The following ZNF487 variants were observed in gnomAD, a reference collection of about 807,000 sequenced individuals.
ZNF487 encodes KRAB domain only 1.
ZNF487 carries 4 observed loss-of-function variants against 3.0 expected under a neutral mutation model. The observed-to-expected ratio is 1.35, with a 90% confidence interval of 0.66 to 3.08. ZNF487 has a LOEUF of 3.08. ZNF487 is among the 30% of genes most tolerant of loss of function. The pLI, the probability that ZNF487 is intolerant of heterozygous loss-of-function variation, is 0.01. For synonymous variants in ZNF487, 55 were observed against 34.6 expected, an observed-to-expected ratio of 1.59 and a Z score of -2.06; for missense variants, 146 against 98.7, an observed-to-expected ratio of 1.48 and a Z score of -2.03.
the ZNF487 span, among the ~76,000 whole-genome samples, chr10:43,522,324 C>T: frequency 1.6e-3 from 246 of 152,254 alleles, no homozygotes; most frequent in Non-Finnish European, 3.0e-3. Flanking sequence ...TGAGACCAGC[C>T]TGGCCAATAT....
intron 1 of ZNF487, among the ~76,000 whole-genome samples, chr10:43,446,878 C>T (rs553265369): frequency 8.5e-4 from 129 of 152,214 alleles, no homozygotes; most frequent in African/African-American, 3.0e-3. Flanking sequence ...GCGGAGATCA[C>T]GCCACTGCAC....
At chr10:43,511,677 A>G in the ZNF487 span, among the ~76,000 whole-genome samples, 12 of 152,284 alleles carry the variant, frequency 7.9e-5, no homozygotes, top group African/African-American at 2.6e-4. Context: ...TGCTGAGCCC[A>G]TACATAACCT....
rs1160017811 is a variant in ZNF487, at chr10:43,443,371, TG to T, written c.-94+6110del. ...GAGCTATCCTGCTGGGCCTAGTTTT[TG>T]TTTTTGTTTTTTTTTTTTTGAGATG... On this transcript the variant is annotated intron_variant, in intron 1 of 3. Transcript: ENST00000437590. 1.3e-3 allele frequency among the ~76,000 whole-genome samples: 195 copies of T among 148,282 alleles called. 1 individual carries two copies. Among genetic ancestry groups the T allele is most frequent in the South Asian group, 3.6e-3 (17 of 4,746 alleles).
chr10:43,476,785 G>C (rs1485480108), intron 3 of ZNF487, among the ~76,000 whole-genome samples: 1 of 152,218 alleles, frequency 6.6e-6, no homozygotes, highest in Non-Finnish European at 1.5e-5. Flanking sequence ...GAGCCAGGCT[G>C]CGTGGAAGTC....
chr10:43,476,179 A>C lies in ZNF487; in HGVS notation c.107A>C (p.Glu36Ala), dbSNP rs773739497. The C allele has an allele frequency of 1.5e-5, 11 of 717,332 alleles. No homozygotes were observed. The highest frequency in any genetic ancestry group is 8.0e-5 in the Admixed American group (4 of 49,992). The allele number at this position is 717,332 out of a possible 1,614,324, so 44.4% of individuals were successfully genotyped here. Residue 36 changes from glutamate to alanine, a missense_variant, in exon 3 of 4, where the codon GAG becomes GCG. Transcript: ENST00000437590. ...CAGGTGCTGTGGATATTAGAGGAAG[A>C]GTCCCCAAGTCAGAGCCACCTAGGT... ...HGQVLWILEE[E>A]SPSQSHLDCC...
In ZNF487 at chr10:43,437,476, C is replaced by T. The variant is rs529782383; in HGVS notation, c.-94+214C>T. On this transcript the variant is annotated intron_variant, in intron 1 of 3. Coordinates refer to ENST00000437590, the MANE Select transcript of ZNF487 (RefSeq NM_001355444.3). ...GCGAGACAAGGGCAACCAGAAGGAA[C>T]CGAGTCTGAGGAAGCGCTTCCTCTG... Among the ~76,000 whole-genome samples the T allele has an allele frequency of 8.9e-4, 135 of 152,210 alleles. 1 individual carries two copies. The highest frequency in any genetic ancestry group is 6.8e-3 in the Middle Eastern group (2 of 294).
chr10:43,455,483 C>G (rs1044764393), intron 1 of ZNF487, among the ~76,000 whole-genome samples: 4 of 152,252 alleles, frequency 2.6e-5, no homozygotes, highest in African/African-American at 4.8e-5. Flanking sequence ...CCATGCCTGC[C>G]GTGCAGGCGT....
the ZNF487 span, among the ~76,000 whole-genome samples, chr10:43,491,035 C>T: frequency 2.6e-4 from 36 of 139,812 alleles, no homozygotes; most frequent in Admixed American, 2.1e-3. Context: ...GGCATGATCT[C>T]GGCTCACTGC....
At chr10:43,494,763 TACAAAAAAA>T in the ZNF487 span, among the ~76,000 whole-genome samples, 1 of 20,916 alleles carries the variant, frequency 4.8e-5, no homozygotes, top group African/African-American at 2.1e-4. Flanking sequence ...CTACTAAAAA[TACAAAAAAA>T]AAAAAAAAAA....
rs149670560 is a variant in ZNF487 at position 43,447,218 on chromosome 10, G to A, written c.-94+9956G>A. On this transcript the variant is annotated intron_variant, in intron 1 of 3. Coordinates refer to ENST00000437590, the MANE Select transcript of ZNF487 (RefSeq NM_001355444.3). ...GGGGAGACCGTGGAAAGCGGGAGACGGAGACGACGGAGAGGGGAGAGGGAG... is the reference window on the plus strand; with the variant it reads ...GGGGAGACCGTGGAAAGCGGGAGACAGAGACGACGGAGAGGGGAGAGGGAG... Among the ~76,000 whole-genome samples, 151 of 152,038 alleles carry A rather than the reference G, an allele frequency of 9.9e-4. 1 individual carries two copies. In the East Asian group the frequency reaches 0.025, roughly 25 times the overall value.
At chr10:43,454,506 G>C (rs928694897) in intron 1 of ZNF487, 1 of 152,220 alleles carries the variant, frequency 6.6e-6, no homozygotes, top group Non-Finnish European at 1.5e-5. Context: ...ACTTGTGAAT[G>C]ATCTGCTGAT....
At chr10:43,444,058 T>A (rs1217706513) in intron 1 of ZNF487, among the ~76,000 whole-genome samples, 1 of 151,776 alleles carries the variant, frequency 6.6e-6, no homozygotes, top group Non-Finnish European at 1.5e-5. Context: ...TTTCACCATG[T>A]TAGCCAGGAT....
chr10:43,509,654 G>A, the ZNF487 span, among the ~76,000 whole-genome samples: 3 of 151,792 alleles, frequency 2.0e-5, no homozygotes, highest in African/African-American at 4.8e-5. Context: ...AGATGTAGGC[G>A]GGGAGGCTAG....
intron 1 of ZNF487, among the ~76,000 whole-genome samples, chr10:43,438,163 G>A (rs1023619125): frequency 1.3e-5 from 2 of 152,016 alleles, no homozygotes; most frequent in South Asian, 4.1e-4. Flanking sequence ...TTAGGGGTGA[G>A]TGCAGGCTTT....
At chr10:43,452,703 C>T (rs1308994400) in intron 1 of ZNF487, 1 of 152,100 alleles carries the variant, frequency 6.6e-6, no homozygotes, top group Non-Finnish European at 1.5e-5. Flanking sequence ...CCCTGTTCTC[C>T]CCAGAAAGCC....
the ZNF487 span, among the ~76,000 whole-genome samples, chr10:43,506,732 GC>G: frequency 6.6e-6 from 1 of 152,062 alleles, no homozygotes; most frequent in African/African-American, 2.4e-5. Flanking sequence ...CTGTTGCAGT[GC>G]CCTCCTCTCC....
At chr10:43,464,618 T>C (rs981203897) in intron 1 of ZNF487, among the ~76,000 whole-genome samples, 5 of 152,274 alleles carry the variant, frequency 3.3e-5, no homozygotes, top group Admixed American at 2.6e-4. Flanking sequence ...ACAAAGCACA[T>C]CTTGCACCGC....
At chr10:43,495,626 T>C in the ZNF487 span, among the ~76,000 whole-genome samples, 1 of 152,210 alleles carries the variant, frequency 6.6e-6, no homozygotes, top group Non-Finnish European at 1.5e-5. Context: ...TTCCCGGGTG[T>C]GGCCATTACC....
chr10:43,511,901 C>A, the ZNF487 span, among the ~76,000 whole-genome samples: 1 of 152,188 alleles, frequency 6.6e-6, no homozygotes, highest in East Asian at 1.9e-4. Context: ...CATCCACACA[C>A]CTCTTCCCCA....
Sources: gnomAD v4.1 joint callset for allele counts (sites outside exome capture counted in the v4.1 genomes callset) on GRCh38, gnomAD v4.1.1 for gene constraint, MANE v1.5 for transcripts, NCBI Gene and HGNC (gene_info 2026-07-23, HGNC 2026-07-21) for gene names.